The following CRB1 variants were observed in gnomAD, a reference collection of about 807,000 sequenced individuals.
The protein encoded by CRB1 is protein crumbs homolog 1.
Under a neutral mutation model 120.0 loss-of-function variants are expected in CRB1, and 83 were observed. The observed-to-expected ratio is 0.69, with a 90% confidence interval of 0.58 to 0.83. The LOEUF (loss-of-function observed/expected upper bound fraction) is 0.83, where lower values mean the gene tolerates loss of function less well. Among genes scored for constraint, CRB1 ranks in the 40% least tolerant of loss-of-function variants. The pLI is 0.00. For synonymous variants in CRB1, 625 were observed against 612.5 expected (o/e 1.02, Z -0.30); for missense variants, 1,699 against 1,687.6 (o/e 1.01, Z -0.12).
intron 1 of CRB1, among the ~76,000 whole-genome samples, chr1:197,322,620 C>T (rs1658269228): frequency 6.6e-6 from 1 of 152,050 alleles, no homozygotes; most frequent in Admixed American, 6.5e-5. Context: ...ATGTAGCTCA[C>T]ATTATACTTC....
chr1:197,391,552 T>C (rs888806489), intron 5 of CRB1, among the ~76,000 whole-genome samples: 2 of 152,072 alleles, frequency 1.3e-5, no homozygotes, highest in African/African-American at 4.8e-5. Flanking sequence ...TGCCTTGTGG[T>C]TTCCTGATAA....
At position 197,290,265 on chromosome 1, in the gene CRB1, CGTGTGTGTGTGTGT is replaced by C. The variant is rs10540136; in HGVS notation, c.70+21810_70+21823del. Among the ~76,000 whole-genome samples the C allele has an allele frequency of 2.2e-4, 30 of 136,982 alleles. No individual in the cohort carries two copies. In the East Asian group the frequency reaches 3.6e-3, roughly 16 times the overall value. The allele number at this position is 136,982 out of a possible 152,430, so 89.9% of individuals were successfully genotyped here. ...AAAATCAGTTTTTTATGTTCCCTTT[CGTGTGTGTGTGTGT>C]GTGTGTGTGTGTGTGTGTGTGTGTG... On this transcript the variant is annotated intron_variant, in intron 1 of 11. Transcript: ENST00000367400.
the CRB1 span, among the ~76,000 whole-genome samples, chr1:197,234,803 A>G: frequency 5.3e-5 from 8 of 152,246 alleles, no homozygotes; most frequent in Non-Finnish European, 1.2e-4. Context: ...TAGAAGTCCA[A>G]TCTGACAAAA....
chr1:197,393,038 A>G (rs1662589620), intron 5 of CRB1, among the ~76,000 whole-genome samples: 1 of 152,138 alleles, frequency 6.6e-6, no homozygotes, highest in African/African-American at 2.4e-5. Context: ...CAAAATATAT[A>G]CTACATAATT....
At chr1:197,266,371 G>A (rs533761568), upstream of CRB1, among the ~76,000 whole-genome samples, 3 of 152,016 alleles carry the variant, frequency 2.0e-5, no homozygotes, top group African/African-American at 7.2e-5. Flanking sequence ...ACTCCCTCAG[G>A]CCTCTTTTAT....
rs780489778 is a variant in CRB1 at position 197,429,465 on chromosome 1, A to G, written c.2693A>G (p.Asn898Ser). The change falls in exon 8 of 12, where the codon AAT becomes AGT. Residue 898 changes from asparagine (N) to serine (S), a missense_variant. Coordinates refer to ENST00000367400, the MANE Select transcript of CRB1 (RefSeq NM_201253.3). ...TCTGCTCAGTCCAACCCCTGTCACA[A>G]TGGAGGTGTTTGCCATTCCCGGTGG... ...DNSCKSNPCH[N>S]GGVCHSRWDD... The G allele has an allele frequency of 1.2e-6, 2 of 1,613,978 alleles. No homozygotes were observed. The highest frequency in any genetic ancestry group is 1.7e-6 in the Non-Finnish European group (2 of 1,179,926).
At chr1:197,333,153 G>A (rs79356005) in intron 2 of CRB1, among the ~76,000 whole-genome samples, 239 of 152,280 alleles carry the variant, frequency 1.6e-3, no homozygotes, top group Non-Finnish European at 2.8e-3. Context: ...ATTTTAAAAG[G>A]CAGAGAGGTA....
intron 11 of CRB1, among the ~76,000 whole-genome samples, chr1:197,446,257 G>T (rs1487727538): frequency 6.6e-6 from 1 of 152,110 alleles, no homozygotes; most frequent in Admixed American, 6.5e-5. Context: ...AGTGCCAGCT[G>T]TAAGGGAGCA....
chr1:197,440,724 G>A lies in CRB1; in HGVS notation c.3879-1442G>A, dbSNP rs368777390. ...GAAATGTGACTTCCATCACATCCAA[G>A]GATATTGAAAAGCTATCCTCAAATA... On this transcript the variant is annotated intron_variant, in intron 10 of 11. Coordinates refer to ENST00000367400, the MANE Select transcript of CRB1 (RefSeq NM_201253.3). 2.6e-5 allele frequency: 4 copies of A among 152,210 alleles called. No homozygotes were observed. In the East Asian group the frequency reaches 7.7e-4, roughly 29 times the overall value. 9.4% of individuals were successfully genotyped at this position (152,210 alleles called of 1,614,324 possible). A position where few individuals can be genotyped will look rare whatever the true frequency, so the allele number is the denominator to read the frequency against.
chr1:197,429,605 G>A lies in CRB1; in HGVS notation c.2833G>A (p.Gly945Arg), dbSNP rs749746650. 26 of 1,613,766 alleles carry A rather than the reference G, an allele frequency of 1.6e-5. No homozygotes were observed. The highest frequency in any genetic ancestry group is 2.2e-5 in the Non-Finnish European group (26 of 1,179,916). ...AGCCCAGTGCCAGCCGGTGCTTCAA[G>A]GATTTGAATGTAGGTAGAGTTCAAA... is the stretch of plus-strand genomic sequence containing the variant. ...HGAQCQPVLQGFECIANAVFN... is the reference protein window; with the variant it reads ...HGAQCQPVLQRFECIANAVFN... Residue 945 changes from glycine (G) to arginine (R), a missense_variant, in exon 8 of 12, where the codon GGA becomes AGA. By Grantham distance (125) the Gly-to-Arg change is moderately radical (BLOSUM62 -2). Coordinates refer to ENST00000367400, the MANE Select transcript of CRB1 (RefSeq NM_201253.3).
rs151104285 is a variant in CRB1, at chr1:197,427,632, C to A, written c.2307C>A (p.Arg769=). ...AATATATCCGTGTCTGGCTAGAGCGCGGCAGACTAGCAATGCTGACTCCAA... is the reference window on the plus strand; with the variant it reads ...AATATATCCGTGTCTGGCTAGAGCGAGGCAGACTAGCAATGCTGACTCCAA... The part of the protein sequence containing the change: ...TYQYIRVWLE[R]GRLAMLTPNS... Residue 769 remains arginine (R), a synonymous_variant, in exon 7 of 12, where the codon CGC becomes CGA. Coordinates refer to ENST00000367400, the MANE Select transcript of CRB1 (RefSeq NM_201253.3). 1 of 1,613,870 alleles carries A rather than the reference C, an allele frequency of 6.2e-7. No individual in the cohort carries two copies. Among genetic ancestry groups the A allele is most frequent in the Admixed American group, 1.7e-5 (1 of 59,956 alleles).
chr1:197,454,030 T>G (rs556725630), intron 11 of CRB1, among the ~76,000 whole-genome samples: 1 of 147,774 alleles, frequency 6.8e-6, no homozygotes, highest in African/African-American at 2.5e-5. Context: ...TCACTCATGT[T>G]GCCGAGGCTG....
At chr1:197,287,751 C>T (rs1233768618) in intron 1 of CRB1, among the ~76,000 whole-genome samples, 3 of 151,846 alleles carry the variant, frequency 2.0e-5, no homozygotes, top group Non-Finnish European at 4.4e-5. Flanking sequence ...GGAATTATTT[C>T]CTCCTTAGCT....
Position 197,438,607 on chromosome 1 carries a change from T to C in CRB1, c.3810T>C (p.Asn1270=), listed in dbSNP as rs748813717. The C allele has an allele frequency of 5.6e-6, 9 of 1,613,040 alleles. No homozygotes were observed. The South Asian group carries it at 7.7e-5, about 14-fold the overall frequency. The change falls in exon 10 of 12, where the codon AAT becomes AAC. Residue 1270 remains asparagine, a synonymous_variant. Transcript: ENST00000367400. ...GNEKTNLTCY[N]GGNCTEFQTE... is the part of the protein sequence containing the mutation. ...AGAAGACAAATCTCACTTGCTACAATGGAGGCAACTGCACAGAGTTCCAGA... is the reference window on the plus strand; with the variant it reads ...AGAAGACAAATCTCACTTGCTACAACGGAGGCAACTGCACAGAGTTCCAGA...
chr1:197,290,306 T>TGTGTGTGTGTGTGTG (rs1558032615), intron 1 of CRB1, among the ~76,000 whole-genome samples: 2 of 80,164 alleles, frequency 2.5e-5, no homozygotes, highest in East Asian at 5.4e-4. Context: ...GTGTGTGTGT[T>TGTGTGTGTGTGTGTG]TGAAGAGAAG....
intron 5 of CRB1, among the ~76,000 whole-genome samples, chr1:197,368,414 T>C (rs1005293614): frequency 1.1e-4 from 16 of 152,230 alleles, no homozygotes; most frequent in Admixed American, 9.2e-4. Flanking sequence ...AACAAAACTA[T>C]TCATAGTGTG....
intron 1 of CRB1, among the ~76,000 whole-genome samples, chr1:197,301,541 G>GA (rs1656864507): frequency 6.6e-6 from 1 of 152,098 alleles, no homozygotes; most frequent in Admixed American, 6.6e-5. Context: ...GCGATTCTGG[G>GA]AAAAATCCAT....
At chr1:197,453,664 A>C (rs1473711324) in intron 11 of CRB1, among the ~76,000 whole-genome samples, 1 of 145,828 alleles carries the variant, frequency 6.9e-6, no homozygotes, top group African/African-American at 2.5e-5. Context: ...GCAGCCTCAA[A>C]CTTCTAGGTT....
intron 5 of CRB1, among the ~76,000 whole-genome samples, chr1:197,411,551 G>A (rs1663713598): frequency 6.6e-6 from 1 of 152,040 alleles, no homozygotes; most frequent in Non-Finnish European, 1.5e-5. Flanking sequence ...TTCTTTAGTT[G>A]ACATGAGATC....
Sources: allele counts gnomAD v4.1 joint callset (sites outside exome capture counted in the v4.1 genomes callset), GRCh38; gene constraint gnomAD v4.1.1; transcripts MANE v1.5; gene names NCBI Gene and HGNC (gene_info 2026-07-23, HGNC 2026-07-21).